KLHDC7A: variants seen among roughly 807,000 people sequenced by gnomAD.
KLHDC7A encodes the protein kelch domain containing 7A.
For synonymous variants in KLHDC7A, 464 were observed against 461.0 expected (o/e 1.01, Z -0.08); for missense variants, 1,123 against 1,052.6 (o/e 1.07, Z -0.93).
chr1:18,484,573 C>G lies in KLHDC7A; in HGVS notation c.*1258C>G, dbSNP rs2100262694. The G allele has an allele frequency of 6.0e-6, 1 of 167,982 alleles. No individual in the cohort carries two copies. The highest frequency in any genetic ancestry group is 6.5e-5 in the Admixed American group (1 of 15,416). 10.4% of individuals were successfully genotyped at this position (167,982 alleles called of 1,614,324 possible). A position where few individuals can be genotyped will look rare whatever the true frequency, so the allele number is the denominator to read the frequency against. The stretch of plus-strand genomic sequence containing the variant: ...GGAAGAAAATAAGGATGCTTTGGAC[C>G]TCAGTGTCCTTGTCTTGAAAATGGG... On this transcript the variant is annotated 3_prime_UTR_variant, in exon 1 of 1. Coordinates refer to ENST00000400664, the MANE Select transcript of KLHDC7A (RefSeq NM_152375.3).
rs764380762 is a variant in KLHDC7A at position 18,481,450 on chromosome 1, C to A, written c.469C>A (p.His157Asn). 6.2e-7 allele frequency: 1 copy of A among 1,613,648 alleles called. No individual in the cohort carries two copies. Among genetic ancestry groups the A allele is most frequent in the East Asian group, 2.2e-5 (1 of 44,862 alleles). The change falls in exon 1 of 1, where the codon CAT becomes AAT. Residue 157 changes from histidine to asparagine, a missense_variant. Transcript: ENST00000400664. ...TGTTGGCAGTAACCCTGACCCTCCC[C>A]ATTTCCCCCGCTTGGGCAGCGAACC... ...TAVGSNPDPP[H>N]FPRLGSEPKS...
chr1:18,481,624 G>A lies in KLHDC7A; in HGVS notation c.643G>A (p.Gly215Ser), dbSNP rs775807733. 5.1e-5 allele frequency: 82 copies of A among 1,613,902 alleles called. 1 individual carries two copies. The highest frequency in any genetic ancestry group is 6.9e-5 in the Non-Finnish European group (81 of 1,180,032). Residue 215 changes from glycine (G) to serine (S), a missense_variant, in exon 1 of 1, where the codon GGC (glycine) becomes AGC (serine). Transcript: ENST00000400664. ...PHCHYVAPLQ[G>S]SSDMNQSWVF... ...CTGTCACTACGTGGCTCCCTTGCAA[G>A]GCAGCAGTGACATGAACCAGAGCTG...
rs759587652 is a variant in KLHDC7A at position 18,481,441 on chromosome 1, G to A, written c.460G>A (p.Asp154Asn). 3.7e-6 allele frequency: 6 copies of A among 1,613,712 alleles called. No homozygotes were observed. Among genetic ancestry groups the A allele is most frequent in the Non-Finnish European group, 5.1e-6 (6 of 1,180,014 alleles). ...CAGAACAGCTGTTGGCAGTAACCCTGACCCTCCCCATTTCCCCCGCTTGGG... is the reference window on the plus strand; with the variant it reads ...CAGAACAGCTGTTGGCAGTAACCCTAACCCTCCCCATTTCCCCCGCTTGGG... ...ETRTAVGSNP[D>N]PPHFPRLGSE... The change falls in exon 1 of 1, where the codon GAC becomes AAC. Residue 154 changes from aspartate (D) to asparagine (N), a missense_variant. Coordinates refer to ENST00000400664, the MANE Select transcript of KLHDC7A (RefSeq NM_152375.3).
Position 18,482,430 on chromosome 1 carries a change from C to A in KLHDC7A, c.1449C>A (p.Ile483=). 5 of 1,609,482 alleles carry A rather than the reference C, an allele frequency of 3.1e-6. No homozygotes were observed. Among genetic ancestry groups the A allele is most frequent in the Non-Finnish European group, 3.4e-6 (4 of 1,179,872 alleles). The change falls in exon 1 of 1, where the codon ATC becomes ATA. Residue 483 remains isoleucine (I), a synonymous_variant. Transcript: ENST00000400664. ...TGAGCGGGGCAGAGCGCGAGCTGAT[C>A]CTGCAGCGCCGGCTCCGGGGCCGCC... ...GCLSGAEREL[I]LQRRLRGRQY...
Position 18,482,233 on chromosome 1 carries a change from A to C in KLHDC7A, c.1252A>C (p.Ile418Leu). The C allele has an allele frequency of 6.2e-7, 1 of 1,607,674 alleles. No individual in the cohort carries two copies. The highest frequency in any genetic ancestry group is 8.5e-7 in the Non-Finnish European group (1 of 1,179,898). The stretch of plus-strand genomic sequence containing the variant: ...GGTGGCCGGGACCAATTTCTTCCAT[A>C]TCCCGCTCACCCCTGCTTCAGCCCC... ...QPVAGTNFFH[I>L]PLTPASAPQV... Residue 418 changes from isoleucine to leucine, a missense_variant, in exon 1 of 1, where the codon ATC becomes CTC. Coordinates refer to ENST00000400664, the MANE Select transcript of KLHDC7A (RefSeq NM_152375.3).
Position 18,485,566 on chromosome 1 carries a change from T to C in KLHDC7A, c.*2251T>C, listed in dbSNP as rs1420108672. The C allele has an allele frequency of 6.2e-6, 1 of 160,802 alleles. No homozygotes were observed. Among genetic ancestry groups the C allele is most frequent in the Admixed American group, 7.1e-5 (1 of 14,022 alleles). The allele number at this position is 160,802 out of a possible 1,614,324, so 10.0% of individuals were successfully genotyped here. On this transcript the variant is annotated 3_prime_UTR_variant, in exon 1 of 1. Transcript: ENST00000400664. ...TTTCCTGGCGAGCGCTCACAATGGC[T>C]TCATAAGTGTTTCAATACAGTGTCC... is the stretch of plus-strand genomic sequence containing the variant.
At position 18,482,770 on chromosome 1, in the gene KLHDC7A, G is replaced by A; in HGVS notation, c.1789G>A (p.Glu597Lys). 3.1e-6 allele frequency: 5 copies of A among 1,610,296 alleles called. No homozygotes were observed. Among genetic ancestry groups the A allele is most frequent in the Non-Finnish European group, 4.2e-6 (5 of 1,179,102 alleles). Residue 597 changes from glutamate (E) to lysine (K), a missense_variant, in exon 1 of 1, where the codon GAG becomes AAG. By Grantham distance (56) the Glu-to-Lys change is moderately conservative. Transcript: ENST00000400664. Reference protein sequence around the residue: ...LDGHLYAIGGECLNSVERYDP... With the variant: ...LDGHLYAIGGKCLNSVERYDP... ...CGGGCACCTGTATGCCATCGGCGGA[G>A]AGTGTCTGAACTCGGTGGAGCGTTA...
rs140809384 is a variant in KLHDC7A at position 18,481,027 on chromosome 1, C to G, written c.46C>G (p.Gln16Glu). 1 of 1,611,772 alleles carries G rather than the reference C, an allele frequency of 6.2e-7. No homozygotes were observed. The highest frequency in any genetic ancestry group is 1.7e-5 in the Admixed American group (1 of 59,720). The change falls in exon 1 of 1, where the codon CAG (glutamine) becomes GAG (glutamate). Residue 16 changes from glutamine (Q) to glutamate (E), a missense_variant. By Grantham distance (29) the Gln-to-Glu change is conservative. Coordinates refer to ENST00000400664, the MANE Select transcript of KLHDC7A (RefSeq NM_152375.3). ...GGCCCAGGACTGGCATTTGGATATG[C>G]AGCTGACCGGCAAGGTGGTGCTGTC... ...AEAQDWHLDMQLTGKVVLSAA... is the reference protein window; with the variant it reads ...AEAQDWHLDMELTGKVVLSAA...
At position 18,482,263 on chromosome 1, in the gene KLHDC7A, G is replaced by A; in HGVS notation, c.1282G>A (p.Val428Ile). The stretch of plus-strand genomic sequence containing the variant: ...GCTCACCCCTGCTTCAGCCCCACAG[G>A]TCCGCCTGGATCTGGGCAATTGCTA... ...IPLTPASAPQ[V>I]RLDLGNCYEV... Residue 428 changes from valine to isoleucine, a missense_variant, in exon 1 of 1, where the codon GTC becomes ATC. Transcript: ENST00000400664. The A allele has an allele frequency of 1.9e-6, 3 of 1,604,926 alleles. No homozygotes were observed. The highest frequency in any genetic ancestry group is 2.5e-6 in the Non-Finnish European group (3 of 1,179,936).
Position 18,482,166 on chromosome 1 carries a change from G to A in KLHDC7A, c.1185G>A (p.Leu395=), listed in dbSNP as rs2086896512. ...CACCCTGCCCAGACCCGGGCGCCCT[G>A]CCTGGCTTAGGCAGAAGCAGCCGGG... is the stretch of plus-strand genomic sequence containing the variant. ...PAPPCPDPGA[L]PGLGRSSREP... The change falls in exon 1 of 1, where the codon CTG becomes CTA. Residue 395 remains leucine (L), a synonymous_variant. Coordinates refer to ENST00000400664, the MANE Select transcript of KLHDC7A (RefSeq NM_152375.3). 3 of 1,611,400 alleles carry A rather than the reference G, an allele frequency of 1.9e-6. No homozygotes were observed. The African/African-American group carries it at 4.0e-5, about 22-fold the overall frequency.
rs200904981 is a variant in KLHDC7A at position 18,482,418 on chromosome 1, G to A, written c.1437G>A (p.Glu479=). ...PDIYGCLSGA[E]RELILQRRLR... is the part of the protein sequence containing the mutation. Reference sequence around the variant, plus strand: ...TCTACGGGTGCCTGAGCGGGGCAGAGCGCGAGCTGATCCTGCAGCGCCGGC... The same window carrying A: ...TCTACGGGTGCCTGAGCGGGGCAGAACGCGAGCTGATCCTGCAGCGCCGGC... Residue 479 remains glutamate (E), a synonymous_variant, in exon 1 of 1, where the codon GAG becomes GAA. Transcript: ENST00000400664. 1,607 of 1,608,416 alleles carry A rather than the reference G, an allele frequency of 1.0e-3. 33 individuals carry two copies. In the South Asian group the frequency reaches 0.017, roughly 17 times the overall value.
rs778787641 is a variant in KLHDC7A at position 18,481,223 on chromosome 1, G to T, written c.242G>T (p.Arg81Ile). Residue 81 changes from arginine to isoleucine, a missense_variant, in exon 1 of 1, where the codon AGA becomes ATA. Physicochemically the swap from Arg to Ile is moderately conservative, Grantham distance 97 (BLOSUM62 -3). Transcript: ENST00000400664. ...CCTGGGGTGCTCCTGAGGGGGCCAA[G>T]ACGTCGGAGGAGCAGCAAGCGGGCT... ...ASPGVLLRGP[R>I]RRRSSKRAEA... 1.3e-6 allele frequency: 2 copies of T among 1,586,650 alleles called. No individual in the cohort carries two copies. Among genetic ancestry groups the T allele is most frequent in the East Asian group, 2.2e-5 (1 of 44,640 alleles).
rs970576754 is a variant in KLHDC7A, at chr1:18,481,282, A to G, written c.301A>G (p.Arg101Gly). 3.2e-6 allele frequency: 5 copies of G among 1,584,930 alleles called. No individual in the cohort carries two copies. The African/African-American group carries it at 6.8e-5, about 21-fold the overall frequency. ...ACAGGGCTGCAGCTGTGAGAATCCA[A>G]GAGGCCCCTATGTCCTGGTCACGGG... The part of the protein sequence containing the change: ...APQGCSCENP[R>G]GPYVLVTGAT... The change falls in exon 1 of 1, where the codon AGA (arginine) becomes GGA (glycine). Residue 101 changes from arginine (R) to glycine (G), a missense_variant. By Grantham distance (125) the Arg-to-Gly change is moderately radical. Coordinates refer to ENST00000400664, the MANE Select transcript of KLHDC7A (RefSeq NM_152375.3).
At position 18,481,149 on chromosome 1, in the gene KLHDC7A, C is replaced by T. The variant is rs747249106; in HGVS notation, c.168C>T (p.Ala56=). 3.1e-6 allele frequency: 5 copies of T among 1,612,862 alleles called. No homozygotes were observed. The African/African-American group carries it at 4.0e-5, about 13-fold the overall frequency. Residue 56 remains alanine, a synonymous_variant, in exon 1 of 1, where the codon GCC becomes GCT. Transcript: ENST00000400664. ...GGGGTGGGAATGGCCAGGCAGAAGC[C>T]AAGGAGGAAGCAGAGGGCTCAGGGC... The part of the protein sequence containing the change: ...QRWGGNGQAE[A]KEEAEGSGQP...
Position 18,480,964 on chromosome 1 carries a change from C to T in KLHDC7A, c.-18C>T, listed in dbSNP as rs779492187. 6.4e-7 allele frequency: 1 copy of T among 1,556,834 alleles called. No individual in the cohort carries two copies. ...TCAGATTCTTGACATTCCTCAGCCCCAGGTTGGCTGGAGAAGCATGTTCCC... is the reference window on the plus strand; with the variant it reads ...TCAGATTCTTGACATTCCTCAGCCCTAGGTTGGCTGGAGAAGCATGTTCCC... On this transcript the variant is annotated 5_prime_UTR_variant, in exon 1 of 1. Transcript: ENST00000400664.
Position 18,481,796 on chromosome 1 carries a change from AGC to A in KLHDC7A, c.816_817del (p.His273PhefsTer9). Reference sequence around the variant, plus strand: ...TCCATAGCCCGCGTCCGAATGGAGGAGCATTTCATACAGAAGGCGGAGGGGGT... The same window carrying A: ...TCCATAGCCCGCGTCCGAATGGAGGAATTTCATACAGAAGGCGGAGGGGGT... On this transcript the variant is annotated frameshift_variant, in exon 1 of 1. Transcript: ENST00000400664. LOFTEE classifies it low-confidence loss of function (END_TRUNC). The A allele has an allele frequency of 1.9e-6, 3 of 1,614,160 alleles. No individual in the cohort carries two copies. The highest frequency in any genetic ancestry group is 2.2e-5 in the East Asian group (1 of 44,860).
rs1445745796 is a variant in KLHDC7A at position 18,484,000 on chromosome 1, C to A, written c.*685C>A. The A allele has an allele frequency of 1.5e-6, 2 of 1,304,262 alleles. No individual in the cohort carries two copies. Among genetic ancestry groups the A allele is most frequent in the Middle Eastern group, 2.1e-4 (1 of 4,698 alleles). 80.8% of individuals were successfully genotyped at this position (1,304,262 alleles called of 1,614,324 possible). A position where few individuals can be genotyped will look rare whatever the true frequency, so the allele number is the denominator to read the frequency against. ...TTCTCCTTATTGGAAGAAAGAGAAGCAGCCATTGTACCAAGCTATCTTCTG... is the reference window on the plus strand; with the variant it reads ...TTCTCCTTATTGGAAGAAAGAGAAGAAGCCATTGTACCAAGCTATCTTCTG... On this transcript the variant is annotated 3_prime_UTR_variant, in exon 1 of 1. Coordinates refer to ENST00000400664, the MANE Select transcript of KLHDC7A (RefSeq NM_152375.3).
chr1:18,484,283 G>A lies in KLHDC7A; in HGVS notation c.*968G>A, dbSNP rs549242164. 23 of 366,910 alleles carry A rather than the reference G, an allele frequency of 6.3e-5. No individual in the cohort carries two copies. Among genetic ancestry groups the A allele is most frequent in the Non-Finnish European group, 1.0e-4 (18 of 179,010 alleles). The allele number at this position is 366,910 out of a possible 1,614,324, so 22.7% of individuals were successfully genotyped here. On this transcript the variant is annotated 3_prime_UTR_variant, in exon 1 of 1. Coordinates refer to ENST00000400664, the MANE Select transcript of KLHDC7A (RefSeq NM_152375.3). ...CACATTTTCAGGTGGATGACCAAGC[G>A]GAGGAACTAGAAGAGTCTAGTGAAG...
chr1:18,485,206 A>G lies in KLHDC7A; in HGVS notation c.*1891A>G, dbSNP rs1200763217. 6.0e-6 allele frequency: 1 copy of G among 166,886 alleles called. No individual in the cohort carries two copies. The highest frequency in any genetic ancestry group is 2.4e-5 in the African/African-American group (1 of 41,328). The allele number at this position is 166,886 out of a possible 1,614,324, so 10.3% of individuals were successfully genotyped here. ...AGGAGCTGGGGGCAGGTGGACCTAGATCCAACCTTCAACCCCTAGTGAGGG... is the reference window on the plus strand; with the variant it reads ...AGGAGCTGGGGGCAGGTGGACCTAGGTCCAACCTTCAACCCCTAGTGAGGG... On this transcript the variant is annotated 3_prime_UTR_variant, in exon 1 of 1. Transcript: ENST00000400664.
Sources: allele counts gnomAD v4.1 joint callset, GRCh38; gene constraint gnomAD v4.1.1; transcripts MANE v1.5; gene names NCBI Gene and HGNC (gene_info 2026-07-23, HGNC 2026-07-21).